Variants in LSAMP observed in about 807,000 individuals in gnomAD.
LSAMP encodes limbic system associated membrane protein.
A neutral mutation model predicts 38.6 loss-of-function variants in LSAMP; 7 were observed. The observed-to-expected ratio is 0.18, with a 90% CI of 0.10 to 0.34. LSAMP has a LOEUF of 0.34. LSAMP is among the 10% of genes least tolerant of loss of function. The pLI is 1.00. For synonymous variants in LSAMP, 154 were observed against 166.8 expected, an observed-to-expected ratio of 0.92 and a Z score of 0.59; for missense variants, 313 against 420.0, an observed-to-expected ratio of 0.75 and a Z score of 2.23.
At chr3:116,394,307 TG>T (rs1442798378) in intron 1 of LSAMP, among the ~76,000 whole-genome samples, 1 of 152,210 alleles carries the variant, frequency 6.6e-6, no homozygotes, top group Non-Finnish European at 1.5e-5. Context: ...GAATGGTTTT[TG>T]ATATAGATAT....
At chr3:115,867,792 A>C (rs935622704) in intron 3 of LSAMP, among the ~76,000 whole-genome samples, 1 of 152,140 alleles carries the variant, frequency 6.6e-6, no homozygotes, top group Non-Finnish European at 1.5e-5. Context: ...TCTAAAGTCT[A>C]TTTGCTAAGA....
intron 3 of LSAMP, among the ~76,000 whole-genome samples, chr3:115,975,565 T>TTATAGTTTG (rs1939161790): frequency 6.6e-6 from 1 of 152,066 alleles, no homozygotes. Flanking sequence ...AGAGGGGAGA[T>TTATAGTTTG]TATAGTTTGG....
intron 3 of LSAMP, among the ~76,000 whole-genome samples, chr3:115,974,278 G>T (rs1939113612): frequency 6.6e-6 from 1 of 151,922 alleles, no homozygotes; most frequent in Admixed American, 6.6e-5. Flanking sequence ...CGGGAAGAGG[G>T]AGTTGCAGTG....
intron 3 of LSAMP, among the ~76,000 whole-genome samples, chr3:115,982,988 G>C (rs1939408560): frequency 6.7e-6 from 1 of 148,552 alleles, no homozygotes; most frequent in Non-Finnish European, 1.5e-5. Context: ...GCTTGCCAGA[G>C]AGGTCAGTTG....
intron 1 of LSAMP, among the ~76,000 whole-genome samples, chr3:116,129,180 T>C (rs1273665938): frequency 6.6e-6 from 1 of 152,186 alleles, no homozygotes; most frequent in Non-Finnish European, 1.5e-5. Context: ...AAACTTTTTA[T>C]TTGGTAATAT....
chr3:116,129,375 T>G (rs1709076627), intron 1 of LSAMP, among the ~76,000 whole-genome samples: 1 of 152,178 alleles, frequency 6.6e-6, no homozygotes, highest in South Asian at 2.1e-4. Flanking sequence ...GATTAAATAT[T>G]TGCTCTGAAA....
chr3:116,213,694 G>C (rs549551249), intron 1 of LSAMP, among the ~76,000 whole-genome samples: 3 of 152,296 alleles, frequency 2.0e-5, no homozygotes, highest in Non-Finnish European at 2.9e-5. Context: ...AAGTAATGTG[G>C]TATATATACA....
rs554120592 is a variant in LSAMP, at chr3:116,263,035, C to T, written c.156-176479G>A. Among the ~76,000 whole-genome samples the T allele has an allele frequency of 7.2e-5, 11 of 152,286 alleles. No individual in the cohort carries two copies. In the East Asian group the frequency reaches 1.4e-3, roughly 19 times the overall value. On this transcript the variant is annotated intron_variant, in intron 1 of 6. Transcript: ENST00000490035. Reference sequence around the variant, plus strand: ...TATGGGTTGAGCTCTGTCACTCTACCTACTTTCCCTGGGGAAGCCTGTCTG... The same window carrying T: ...TATGGGTTGAGCTCTGTCACTCTACTTACTTTCCCTGGGGAAGCCTGTCTG...
intron 1 of LSAMP, among the ~76,000 whole-genome samples, chr3:116,207,308 G>A (rs1326310565): frequency 2.0e-5 from 3 of 152,214 alleles, no homozygotes; most frequent in Non-Finnish European, 4.4e-5. Context: ...CTCTGCACAT[G>A]AGTTGGGTTT....
At chr3:116,384,238 C>G (rs1328491382) in intron 1 of LSAMP, among the ~76,000 whole-genome samples, 1 of 152,054 alleles carries the variant, frequency 6.6e-6, no homozygotes, top group African/African-American at 2.4e-5. Context: ...CTGCTGCTAC[C>G]TCACGTCTCA....
rs557330389 is a variant in LSAMP at position 116,108,773 on chromosome 3, T to G, written c.156-22217A>C. ...GGCCTGGTGGTCAGATTTCTGGCAC[T>G]TGTAGCAAGCTCCTGGGGGAGGAGG... is the stretch of plus-strand genomic sequence containing the variant. On this transcript the variant is annotated intron_variant, in intron 1 of 6. Transcript: ENST00000490035. Among the ~76,000 whole-genome samples the G allele has an allele frequency of 5.7e-3, 872 of 152,106 alleles. 8 individuals are homozygous for G. Among genetic ancestry groups the G allele is most frequent in the African/African-American group, 0.019 (790 of 41,500 alleles).
chr3:116,035,471 G>T (rs2107709823), intron 2 of LSAMP, among the ~76,000 whole-genome samples: 1 of 152,234 alleles, frequency 6.6e-6, no homozygotes, highest in African/African-American at 2.4e-5. Context: ...AAGGAAAAGG[G>T]GGTGGGGAAA....
chr3:115,970,530 C>T (rs1048094195), intron 3 of LSAMP, among the ~76,000 whole-genome samples: 2 of 152,278 alleles, frequency 1.3e-5, no homozygotes, highest in Admixed American at 1.3e-4. Context: ...AGTGAGGGCT[C>T]TTTCATGCCC....
intron 6 of LSAMP, among the ~76,000 whole-genome samples, chr3:115,831,545 A>G (rs1192258937): frequency 6.6e-6 from 1 of 152,194 alleles, no homozygotes; most frequent in East Asian, 1.9e-4. Flanking sequence ...AGAGCTAGGC[A>G]CAAGTAAACT....
At chr3:115,818,790 T>TATATATATATATATATATATATA (rs1934117792) in intron 6 of LSAMP, among the ~76,000 whole-genome samples, 1 of 69,786 alleles carries the variant, frequency 1.4e-5, no homozygotes, top group African/African-American at 4.4e-5. Flanking sequence ...AGTTGTACTT[T>TATATATATATATATATATATATA]TATATATATA....
At chr3:116,083,574 T>C (rs1332623113) in intron 2 of LSAMP, among the ~76,000 whole-genome samples, 1 of 152,198 alleles carries the variant, frequency 6.6e-6, no homozygotes, top group African/African-American at 2.4e-5. Context: ...TGAGCTCAGG[T>C]TGGCCTCACC....
intron 1 of LSAMP, among the ~76,000 whole-genome samples, chr3:116,126,137 T>A (rs1031843128): frequency 6.6e-6 from 1 of 152,192 alleles, no homozygotes; most frequent in Non-Finnish European, 1.5e-5. Flanking sequence ...TTTGTCTACA[T>A]GAAAAGAAAA....
Position 116,186,411 on chromosome 3 carries a change from C to A in LSAMP, c.156-99855G>T, listed in dbSNP as rs927602513. Among the ~76,000 whole-genome samples the A allele has an allele frequency of 4.6e-5, 7 of 152,032 alleles. No individual in the cohort carries two copies. The East Asian group carries it at 1.4e-3, about 29-fold the overall frequency. ...TCTCTATCTTGAGTGATACAGGGTA[C>A]ATTTTTAGTTTCTGCTGGGAGAAAA... On this transcript the variant is annotated intron_variant, in intron 1 of 6. Coordinates refer to ENST00000490035, the MANE Select transcript of LSAMP (RefSeq NM_002338.5).
intron 3 of LSAMP, among the ~76,000 whole-genome samples, chr3:115,930,005 T>TTTTTTTTTG (rs1553750151): frequency 1.5e-5 from 2 of 131,954 alleles, no homozygotes; most frequent in African/African-American, 5.9e-5. Flanking sequence ...AGCAGAAGTT[T>TTTTTTTTTG]TTTTTTTTTT....
Sources: allele counts gnomAD v4.1 joint callset (sites outside exome capture counted in the v4.1 genomes callset), GRCh38; gene constraint gnomAD v4.1.1; transcripts MANE v1.5; gene names NCBI Gene and HGNC (gene_info 2026-07-23, HGNC 2026-07-21).